ADAMTS3: variants seen among roughly 807,000 people sequenced by gnomAD.
The protein encoded by ADAMTS3 is A disintegrin and metalloproteinase with thrombospondin motifs 3.
ADAMTS3 carries 73 observed loss-of-function variants against 129.0 expected under a neutral mutation model. The ratio of observed to expected loss-of-function variants is 0.57; its 90% CI spans 0.47 to 0.69. The LOEUF is 0.69. ADAMTS3 is among the 30% of genes least tolerant of loss of function. ADAMTS3 has a pLI of 0.00. For synonymous variants in ADAMTS3, 477 were observed against 510.8 expected, an observed-to-expected ratio of 0.93 and a Z score of 0.89; for missense variants, 1,457 against 1,514.5, an observed-to-expected ratio of 0.96 and a Z score of 0.63.
rs187800611 is a variant in ADAMTS3, at chr4:72,436,879, A to G, written c.505-21908T>C. 6.5e-3 allele frequency among the ~76,000 whole-genome samples: 982 copies of G among 152,046 alleles called. 6 individuals carry two copies. Among genetic ancestry groups the G allele is most frequent in the African/African-American group, 0.023 (935 of 41,506 alleles). ...TGTGGGGTGGGGGGAGTGGGGAGGGATAACATTAGGAAAAATATCTAACAT... is the reference window on the plus strand; with the variant it reads ...TGTGGGGTGGGGGGAGTGGGGAGGGGTAACATTAGGAAAAATATCTAACAT... On this transcript the variant is annotated intron_variant, in intron 3 of 21. Transcript: ENST00000286657.
At chr4:72,515,163 A>C (rs1473140928) in intron 3 of ADAMTS3, among the ~76,000 whole-genome samples, 1 of 152,180 alleles carries the variant, frequency 6.6e-6, no homozygotes, top group African/African-American at 2.4e-5. Context: ...AAGGACATGA[A>C]CTGATCCTTT....
At chr4:72,349,106 A>AGTTCTAGT (rs2109842099) in intron 4 of ADAMTS3, among the ~76,000 whole-genome samples, 1 of 152,182 alleles carries the variant, frequency 6.6e-6, no homozygotes, top group East Asian at 1.9e-4. Context: ...AAGAGAACTG[A>AGTTCTAGT]GTTCTAGTTC....
intron 4 of ADAMTS3, among the ~76,000 whole-genome samples, chr4:72,387,689 A>G (rs1287966014): frequency 1.3e-5 from 2 of 152,212 alleles, no homozygotes; most frequent in African/African-American, 4.8e-5. Context: ...TGAACTTCCT[A>G]TATTGAATAC....
At chr4:72,335,140 G>A (rs1719956917) in intron 5 of ADAMTS3, among the ~76,000 whole-genome samples, 2 of 152,106 alleles carry the variant, frequency 1.3e-5, no homozygotes, top group Non-Finnish European at 1.5e-5. Flanking sequence ...ATCTTTGAAG[G>A]TATTTGAAAT....
intron 3 of ADAMTS3, among the ~76,000 whole-genome samples, chr4:72,496,138 GCTTA>G (rs1719868243): frequency 6.6e-6 from 1 of 152,204 alleles, no homozygotes. Flanking sequence ...TAAGAATGGT[GCTTA>G]CTTAATCTTA....
chr4:72,339,736 CAG>C, intron 4 of ADAMTS3, 43 bp from the exon 5 acceptor site: 2 of 1,511,474 alleles, frequency 1.3e-6, no homozygotes, highest in South Asian at 2.3e-5. Context: ...GTTTCCCTAA[CAG>C]GCCTTCCAAT....
At chr4:72,530,082 T>TTATA (rs1365266719) in intron 3 of ADAMTS3, among the ~76,000 whole-genome samples, 1 of 1,736 alleles carries the variant, frequency 5.8e-4, no homozygotes, top group Non-Finnish European at 8.2e-4. Flanking sequence ...CATATTATAT[T>TTATA]TATATATAAT....
chr4:72,296,245 T>C (rs947194689), intron 18 of ADAMTS3, among the ~76,000 whole-genome samples: 4 of 151,946 alleles, frequency 2.6e-5, no homozygotes, highest in Non-Finnish European at 5.9e-5. Flanking sequence ...TATGGGGTAA[T>C]GGAAATGAAG....
rs78118915 is a variant in ADAMTS3, at chr4:72,347,280, C to CTTT, written c.662-7590_662-7588dup. 1.1e-3 allele frequency among the ~76,000 whole-genome samples: 153 copies of CTTT among 140,146 alleles called. 1 individual carries two copies. The highest frequency in any genetic ancestry group is 3.8e-3 in the African/African-American group (146 of 38,628). The allele number at this position is 140,146 out of a possible 152,430, so 91.9% of individuals were successfully genotyped here. On this transcript the variant is annotated intron_variant, in intron 4 of 21. Coordinates refer to ENST00000286657, the MANE Select transcript of ADAMTS3 (RefSeq NM_014243.3). ...ACCACCTCATTTTCTTATTTTACTG[C>CTTT]TTTTTTTTTTTTTTTCCATTTGCTA...
chr4:72,299,796 T>G (rs1359785311), intron 17 of ADAMTS3, among the ~76,000 whole-genome samples: 1 of 152,166 alleles, frequency 6.6e-6, no homozygotes. Context: ...TCCTGGTTTT[T>G]ATTGGAACTG....
intron 4 of ADAMTS3, among the ~76,000 whole-genome samples, chr4:72,403,053 ACAGT>A (rs1468700364): frequency 1.3e-5 from 2 of 152,082 alleles, no homozygotes; most frequent in African/African-American, 2.4e-5. Context: ...GCTGTATAAC[ACAGT>A]CAAAGTGTTC....
chr4:72,512,755 G>C (rs773178438), intron 3 of ADAMTS3, among the ~76,000 whole-genome samples: 1 of 152,000 alleles, frequency 6.6e-6, no homozygotes, highest in African/African-American at 2.4e-5. Context: ...AAAATTAAAA[G>C]TATAAATAAA....
intron 4 of ADAMTS3, among the ~76,000 whole-genome samples, chr4:72,385,062 C>T (rs1183293864): frequency 2.0e-5 from 3 of 151,760 alleles, no homozygotes; most frequent in Non-Finnish European, 2.9e-5. Context: ...ACCTGTAGTC[C>T]CAGCTACTTC....
At chr4:72,415,749 A>G (rs1053036040) in intron 3 of ADAMTS3, among the ~76,000 whole-genome samples, 1 of 152,058 alleles carries the variant, frequency 6.6e-6, no homozygotes, top group African/African-American at 2.4e-5. Context: ...AGCCAGTACT[A>G]TAGCTGAAGA....
chr4:72,466,643 C>T (rs1261319161), intron 3 of ADAMTS3, among the ~76,000 whole-genome samples: 1 of 151,994 alleles, frequency 6.6e-6, no homozygotes, highest in Non-Finnish European at 1.5e-5. Flanking sequence ...TCCCTGCCTC[C>T]CTGTGGCTGC....
rs555315811 is a variant in ADAMTS3, at chr4:72,384,985, C to G, written c.661+29830G>C. 1.4e-4 allele frequency among the ~76,000 whole-genome samples: 22 copies of G among 151,924 alleles called. 1 individual carries two copies. The South Asian group carries it at 2.1e-3, about 14-fold the overall frequency. On this transcript the variant is annotated intron_variant, in intron 4 of 21. Transcript: ENST00000286657. Reference sequence around the variant, plus strand: ...AGATCGAGACCATCCTGGCTAACACCCTGAAACCCCGTCTCTACTAAAAAT... The same window carrying G: ...AGATCGAGACCATCCTGGCTAACACGCTGAAACCCCGTCTCTACTAAAAAT...
chr4:72,323,911 C>G (rs1266516571), intron 5 of ADAMTS3, among the ~76,000 whole-genome samples: 1 of 152,100 alleles, frequency 6.6e-6, no homozygotes. Context: ...ATCTGACATG[C>G]AAAACACAGA....
intron 3 of ADAMTS3, among the ~76,000 whole-genome samples, chr4:72,512,496 AT>A (rs1472425740): frequency 1.3e-5 from 2 of 152,212 alleles, no homozygotes; most frequent in African/African-American, 4.8e-5. Flanking sequence ...CGTCTCAAAA[AT>A]AAATGAATAA....
At chr4:72,476,009 C>T (rs1001609082) in intron 3 of ADAMTS3, among the ~76,000 whole-genome samples, 3 of 151,968 alleles carry the variant, frequency 2.0e-5, no homozygotes, top group East Asian at 1.9e-4. Context: ...GCAATACATA[C>T]ATTAGAAAAA....
Sources: gnomAD v4.1 joint callset for allele counts (sites outside exome capture counted in the v4.1 genomes callset) on GRCh38, gnomAD v4.1.1 for gene constraint, MANE v1.5 for transcripts, NCBI Gene and HGNC (gene_info 2026-07-23, HGNC 2026-07-21) for gene names.